OPCML: variants seen among roughly 807,000 people sequenced by gnomAD.
OPCML encodes opioid-binding protein/cell adhesion molecule.
A neutral mutation model predicts 37.8 loss-of-function variants in OPCML; 13 were observed. The ratio of observed to expected loss-of-function variants is 0.34; its 90% CI spans 0.22 to 0.55. The LOEUF is 0.55. Among genes scored for constraint, OPCML ranks in the 20% least tolerant of loss-of-function variants. OPCML has a pLI of 0.91. For synonymous variants in OPCML, 176 were observed against 168.8 expected (o/e 1.04, Z -0.33); for missense variants, 341 against 435.6 (o/e 0.78, Z 1.93).
chr11:133,162,474 C>G (rs527963656), intron 1 of OPCML, among the ~76,000 whole-genome samples: 2 of 152,200 alleles, frequency 1.3e-5, no homozygotes, highest in Non-Finnish European at 2.9e-5. Context: ...CTCAATCCAT[C>G]TTGCTTTGGC....
intron 1 of OPCML, among the ~76,000 whole-genome samples, chr11:133,343,719 G>A (rs1031414620): frequency 1.3e-5 from 2 of 152,038 alleles, no homozygotes; most frequent in African/African-American, 4.8e-5. Flanking sequence ...TACCAATCAT[G>A]GATACTTAAA....
chr11:133,108,442 C>G (rs900014502), intron 1 of OPCML, among the ~76,000 whole-genome samples: 43 of 152,152 alleles, frequency 2.8e-4, no homozygotes, highest in African/African-American at 8.7e-4. Flanking sequence ...AAATTGCAAT[C>G]AACAATCCAT....
intron 4 of OPCML, among the ~76,000 whole-genome samples, chr11:132,441,182 T>TTTTTTTTTTTTTTTG (rs2096032809): frequency 8.0e-6 from 1 of 125,598 alleles, no homozygotes; most frequent in African/African-American, 3.2e-5. Flanking sequence ...TTTTTTTTTT[T>TTTTTTTTTTTTTTTG]TTTGAGACGG....
intron 3 of OPCML, among the ~76,000 whole-genome samples, chr11:132,595,170 A>G (rs994853299): frequency 1.3e-5 from 2 of 152,026 alleles, no homozygotes; most frequent in Admixed American, 6.6e-5. Context: ...GAGAGAGCTG[A>G]GAAAAAGGTG....
intron 1 of OPCML, among the ~76,000 whole-genome samples, chr11:132,965,377 T>G (rs1023582490): frequency 1.2e-4 from 19 of 152,202 alleles, no homozygotes; most frequent in African/African-American, 4.6e-4. Flanking sequence ...GGGGAGATGT[T>G]TAAATTACTA....
At chr11:132,761,919 CA>C (rs202246084) in intron 2 of OPCML, among the ~76,000 whole-genome samples, 1,555 of 152,242 alleles carry the variant, frequency 0.01, 13 homozygotes, top group Non-Finnish European at 0.018. Flanking sequence ...AGCCTTTTTG[CA>C]CTGGTTTTTC....
At chr11:133,098,905 C>A (rs1388000220) in intron 1 of OPCML, among the ~76,000 whole-genome samples, 1 of 152,106 alleles carries the variant, frequency 6.6e-6, no homozygotes, top group East Asian at 1.9e-4. Flanking sequence ...ATGACATGAT[C>A]ATCTATGTAG....
At chr11:133,080,527 G>A (rs1209286850) in intron 1 of OPCML, among the ~76,000 whole-genome samples, 1 of 120,364 alleles carries the variant, frequency 8.3e-6, no homozygotes, top group Non-Finnish European at 1.7e-5. Context: ...TCTGTGGAAT[G>A]TTTTAGGTAT....
chr11:132,926,409 A>T (rs1474774635), intron 2 of OPCML, among the ~76,000 whole-genome samples: 2 of 152,190 alleles, frequency 1.3e-5, no homozygotes, highest in African/African-American at 4.8e-5. Flanking sequence ...ATAAAAGAAC[A>T]TTTAAGGCCC....
At chr11:133,338,399 A>G (rs1436831792) in intron 1 of OPCML, among the ~76,000 whole-genome samples, 1 of 152,168 alleles carries the variant, frequency 6.6e-6, no homozygotes, top group Non-Finnish European at 1.5e-5. Flanking sequence ...TGTCTGGGAT[A>G]CCATGCTGCA....
At chr11:132,789,201 C>T (rs1166810102) in intron 2 of OPCML, among the ~76,000 whole-genome samples, 1 of 152,136 alleles carries the variant, frequency 6.6e-6, no homozygotes, top group Non-Finnish European at 1.5e-5. Flanking sequence ...CTGATAACAC[C>T]CCACATAATG....
At chr11:132,946,110 T>C (rs1417674048) in intron 1 of OPCML, among the ~76,000 whole-genome samples, 1 of 152,198 alleles carries the variant, frequency 6.6e-6, no homozygotes, top group African/African-American at 2.4e-5. Flanking sequence ...TGCTAAAAAC[T>C]AAGACACAAA....
chr11:132,618,950 C>A (rs1040354036), intron 3 of OPCML, among the ~76,000 whole-genome samples: 1 of 121,390 alleles, frequency 8.2e-6, no homozygotes, highest in Non-Finnish European at 1.7e-5. Context: ...CACAAGCACA[C>A]GCATACACAC....
At chr11:132,870,108 C>T (rs1374740399) in intron 2 of OPCML, among the ~76,000 whole-genome samples, 2 of 152,076 alleles carry the variant, frequency 1.3e-5, no homozygotes, top group African/African-American at 4.8e-5. Context: ...AACTACATAA[C>T]ATAGATATTA....
At chr11:132,857,326 T>C (rs1942096014) in intron 2 of OPCML, among the ~76,000 whole-genome samples, 1 of 152,248 alleles carries the variant, frequency 6.6e-6, no homozygotes, top group South Asian at 2.1e-4. Context: ...TTAAACTTTT[T>C]ATTTTGAAGT....
At chr11:132,969,969 T>C (rs1406816488) in intron 1 of OPCML, among the ~76,000 whole-genome samples, 1 of 152,204 alleles carries the variant, frequency 6.6e-6, no homozygotes, top group African/African-American at 2.4e-5. Flanking sequence ...AGTCACACTT[T>C]CCTGATTCTT....
chr11:132,905,893 C>A (rs371209527), intron 2 of OPCML, among the ~76,000 whole-genome samples: 1 of 152,130 alleles, frequency 6.6e-6, no homozygotes, highest in Non-Finnish European at 1.5e-5. Context: ...GGTATATAGC[C>A]AATGTTCAAT....
intron 2 of OPCML, among the ~76,000 whole-genome samples, chr11:132,721,051 C>T (rs1326527920): frequency 6.6e-6 from 1 of 152,160 alleles, no homozygotes; most frequent in Non-Finnish European, 1.5e-5. Flanking sequence ...CTTCTCTTGA[C>T]ATTATCTCAC....
intron 1 of OPCML, among the ~76,000 whole-genome samples, chr11:133,351,520 T>C (rs1172747476): frequency 7.8e-6 from 1 of 127,762 alleles, no homozygotes; most frequent in Non-Finnish European, 1.6e-5. Context: ...CATTGCTACT[T>C]CTGGGTCACC....
Sources: gnomAD v4.1 joint callset for allele counts (sites outside exome capture counted in the v4.1 genomes callset) on GRCh38, gnomAD v4.1.1 for gene constraint, MANE v1.5 for transcripts, NCBI Gene and HGNC (gene_info 2026-07-23, HGNC 2026-07-21) for gene names.